Variants in CAMSAP1 observed in about 807,000 individuals in gnomAD.
The protein encoded by CAMSAP1 is calmodulin regulated spectrin associated protein 1, also known as calmodulin-regulated spectrin-associated protein 1.
A neutral mutation model predicts 143.5 loss-of-function variants in CAMSAP1; 58 were observed. The observed-to-expected ratio is 0.40, with a 90% CI of 0.33 to 0.50. The LOEUF is 0.50. Among genes scored for constraint, CAMSAP1 ranks in the 20% least tolerant of loss-of-function variants. The probability of loss-of-function intolerance (pLI) is 0.45; values close to 1 mark genes in which losing one functional copy is unlikely to be tolerated. For synonymous variants in CAMSAP1, 945 were observed against 859.3 expected (o/e 1.10, Z -1.74); for missense variants, 1,969 against 2,115.7 (o/e 0.93, Z 1.36).
At chr9:135,841,836 T>C (rs1237429360) in intron 7 of CAMSAP1, among the ~76,000 whole-genome samples, 1 of 151,920 alleles carries the variant, frequency 6.6e-6, no homozygotes, top group African/African-American at 2.4e-5. Context: ...AAAAACCCCA[T>C]CCAAAGGTCA....
chr9:135,883,257 G>T (rs972009432), intron 1 of CAMSAP1, among the ~76,000 whole-genome samples, 179 bp from the exon 2 acceptor site: 1 of 152,182 alleles, frequency 6.6e-6, no homozygotes, highest in African/African-American at 2.4e-5. Flanking sequence ...ACGTGAAAAG[G>T]CTCTAGGCTT....
intron 3 of CAMSAP1, among the ~76,000 whole-genome samples, chr9:135,874,875 AC>A (rs930672700): frequency 2.4e-4 from 36 of 152,238 alleles, no homozygotes; most frequent in Non-Finnish European, 4.6e-4. Context: ...CTAGTAACAA[AC>A]AACTGGAAAA....
rs193223800 is a variant in CAMSAP1, at chr9:135,845,520, A to C, written c.1045+4617T>G. The stretch of plus-strand genomic sequence containing the variant: ...CAGTATTGGAAGTTCTGGCCAGGGC[A>C]ATCAGGCAAGAGAAAGAAATAAAGA... On this transcript the variant is annotated intron_variant, in intron 7 of 16. Transcript: ENST00000389532. Among the ~76,000 whole-genome samples, 156 of 152,354 alleles carry C rather than the reference A, an allele frequency of 1.0e-3. No individual in the cohort carries two copies. The East Asian group carries it at 0.014, about 14-fold the overall frequency.
At chr9:135,856,571 GGC>G (rs1836986765) in intron 5 of CAMSAP1, among the ~76,000 whole-genome samples, 2 of 152,160 alleles carry the variant, frequency 1.3e-5, no homozygotes, top group African/African-American at 4.8e-5. Flanking sequence ...ATGACTAAGA[GGC>G]TACAGCCCAC....
intron 1 of CAMSAP1, among the ~76,000 whole-genome samples, chr9:135,891,456 C>A (rs1489454548): frequency 6.6e-6 from 1 of 152,200 alleles, no homozygotes; most frequent in Non-Finnish European, 1.5e-5. Flanking sequence ...TGGGCAGGCC[C>A]GGGGCCACAG....
At position 135,822,687 on chromosome 9, in the gene CAMSAP1, G is replaced by A; in HGVS notation, c.1974C>T (p.Phe658=). 6.2e-7 allele frequency: 1 copy of A among 1,601,688 alleles called. No individual in the cohort carries two copies. The highest frequency in any genetic ancestry group is 1.1e-5 in the South Asian group (1 of 90,330). The change falls in exon 11 of 17, where the codon TTC becomes TTT. Residue 658 remains phenylalanine, a synonymous_variant. Coordinates refer to ENST00000389532, the MANE Select transcript of CAMSAP1 (RefSeq NM_015447.4). The surrounding 1 kb of genome is among the most constrained non-coding windows in gnomAD (Gnocchi z 6.1). Reference sequence around the variant, plus strand: ...TCTCGGTGGGGTCGATGCCCATGGGGAATTCTGAGCATGGAATCGGGGTAA... The same window carrying A: ...TCTCGGTGGGGTCGATGCCCATGGGAAATTCTGAGCATGGAATCGGGGTAA... ...RTFTPIPCSE[F]PMGIDPTETG...
intron 1 of CAMSAP1, among the ~76,000 whole-genome samples, chr9:135,887,333 A>C (rs555503674): frequency 1.3e-5 from 2 of 152,140 alleles, no homozygotes; most frequent in Non-Finnish European, 2.9e-5. Flanking sequence ...AAGACCACAG[A>C]GCCCGCCGGA....
intron 7 of CAMSAP1, among the ~76,000 whole-genome samples, chr9:135,846,973 G>A (rs996528666): frequency 1.3e-5 from 2 of 152,080 alleles, no homozygotes; most frequent in East Asian, 3.9e-4. Context: ...ACAGTGTGGC[G>A]ATTCCTCAAG....
intron 1 of CAMSAP1, among the ~76,000 whole-genome samples, chr9:135,890,668 G>GGGCCTCGC (rs1327859799): frequency 9.8e-5 from 15 of 152,336 alleles, no homozygotes; most frequent in Middle Eastern, 6.8e-3. Context: ...ACCTCCACCA[G>GGGCCTCGC]GGCCTCGCGT....
intron 1 of CAMSAP1, among the ~76,000 whole-genome samples, chr9:135,902,616 T>G (rs757128245): frequency 1.3e-5 from 2 of 152,104 alleles, no homozygotes; most frequent in Non-Finnish European, 1.5e-5. Context: ...CAAACCGGAG[T>G]GTAAACTCTT....
Position 135,817,958 on chromosome 9 carries a change from GC to G in CAMSAP1, c.4271+18del. ...AACGTCCTCCAGCCCCGTGCCGGCG[GC>G]CGTCTCAGGCCCCTTACCGCTGAGA... On this transcript the variant is annotated intron_variant, in intron 14 of 16. Coordinates refer to ENST00000389532, the MANE Select transcript of CAMSAP1 (RefSeq NM_015447.4). 1 of 1,610,858 alleles carries G rather than the reference GC, an allele frequency of 6.2e-7. No homozygotes were observed. Among genetic ancestry groups the G allele is most frequent in the Non-Finnish European group, 8.5e-7 (1 of 1,177,462 alleles).
chr9:135,826,935 A>G lies in CAMSAP1; in HGVS notation c.1223+472T>C, dbSNP rs1328453038. Among the ~76,000 whole-genome samples, 1 of 152,238 alleles carries G rather than the reference A, an allele frequency of 6.6e-6. No homozygotes were observed. Among genetic ancestry groups the G allele is most frequent in the East Asian group, 1.9e-4 (1 of 5,202 alleles). ...AACAACTCTTTTTCTAGAGTAGTTT[A>G]GCCTTTAAGCAGCTCTATACACTTT... is the stretch of plus-strand genomic sequence containing the variant. On this transcript the variant is annotated intron_variant, in intron 8 of 16. Coordinates refer to ENST00000389532, the MANE Select transcript of CAMSAP1 (RefSeq NM_015447.4). The surrounding 1 kb of genome is among the most constrained non-coding windows in gnomAD (Gnocchi z 4.4).
At chr9:135,858,591 C>G (rs564115248) in intron 5 of CAMSAP1, among the ~76,000 whole-genome samples, 1 of 152,348 alleles carries the variant, frequency 6.6e-6, no homozygotes, top group African/African-American at 2.4e-5. Context: ...TCCAGACAGA[C>G]AGAACCAGTA....
At chr9:135,849,610 C>A (rs1387159852) in intron 7 of CAMSAP1, among the ~76,000 whole-genome samples, 1 of 152,142 alleles carries the variant, frequency 6.6e-6, no homozygotes, top group Admixed American at 6.5e-5. Flanking sequence ...TTGCAAGTAC[C>A]TTTTCCCCCT....
chr9:135,865,323 T>C, intron 4 of CAMSAP1: 2 of 1,550,468 alleles, frequency 1.3e-6, no homozygotes, highest in Non-Finnish European at 1.7e-6. Context: ...CGGCTTGGGG[T>C]TCACTTACAG....
Position 135,843,825 on chromosome 9 carries a change from G to A in CAMSAP1, c.1045+6312C>T, listed in dbSNP as rs1304744035. Among the ~76,000 whole-genome samples the A allele has an allele frequency of 3.0e-5, 4 of 133,976 alleles. No homozygotes were observed. The East Asian group carries it at 9.2e-4, about 31-fold the overall frequency. The allele number at this position is 133,976 out of a possible 152,430, so 87.9% of individuals were successfully genotyped here. Reference sequence around the variant, plus strand: ...GGAGGCGGAGCTTGCAGTCAGCCAAGATCGCGCCACTGCTCTCCAACCTGG... The same window carrying A: ...GGAGGCGGAGCTTGCAGTCAGCCAAAATCGCGCCACTGCTCTCCAACCTGG... On this transcript the variant is annotated intron_variant, in intron 7 of 16. Transcript: ENST00000389532.
intron 3 of CAMSAP1, among the ~76,000 whole-genome samples, chr9:135,869,346 T>C (rs1209507674): frequency 6.6e-6 from 1 of 151,378 alleles, no homozygotes; most frequent in African/African-American, 2.4e-5. Flanking sequence ...CTACAAAAAA[T>C]ACAAAAATTA....
rs774979529 is a variant in CAMSAP1, at chr9:135,818,656, G to A, written c.3960-40C>T. 3 of 1,598,674 alleles carry A rather than the reference G, an allele frequency of 1.9e-6. No homozygotes were observed. Among genetic ancestry groups the A allele is most frequent in the Non-Finnish European group, 2.6e-6 (3 of 1,170,882 alleles). The stretch of plus-strand genomic sequence containing the variant: ...CGCCCAGACACTGCTCGGTCACGGG[G>A]CTTCTTCCACGACGCCTGCGCCGCG... On this transcript the variant is annotated intron_variant, in intron 12 of 16. Transcript: ENST00000389532. This position sits in a 1 kb window ranked among gnomAD's most constrained non-coding sequence, Gnocchi z 7.7.
At position 135,822,760 on chromosome 9, in the gene CAMSAP1, G is replaced by C; in HGVS notation, c.1901C>G (p.Pro634Arg). ...GCCAGTCATTTTCCTTCGTACCAAA[G>C]GCTGGGGGCCCTCGCTGGGCCTCCT... ...VSRRPSEGPQ[P>R]LVRRKMTGSR... Residue 634 changes from proline (P) to arginine (R), a missense_variant, in exon 11 of 17, where the codon CCT (proline) becomes CGT (arginine). Pro to Arg is a moderately radical substitution (Grantham distance 103). Around this residue, in one of 4 missense-constraint regions of CAMSAP1, gnomAD observed 1,390 missense variants for 1,420.8 expected, o/e 0.98. Transcript: ENST00000389532. The surrounding 1 kb of genome is among the most constrained non-coding windows in gnomAD (Gnocchi z 6.1). 1 of 1,613,732 alleles carries C rather than the reference G, an allele frequency of 6.2e-7. No homozygotes were observed. Among genetic ancestry groups the C allele is most frequent in the Non-Finnish European group, 8.5e-7 (1 of 1,179,774 alleles).
Sources: allele counts gnomAD v4.1 joint callset (sites outside exome capture counted in the v4.1 genomes callset), GRCh38; gene constraint gnomAD v4.1.1; regional missense constraint gnomAD v4.1.1; non-coding constraint Gnocchi (gnomAD v3.1); transcripts MANE v1.5; gene names NCBI Gene and HGNC (gene_info 2026-07-23, HGNC 2026-07-21).